DPF3: variants seen among roughly 807,000 people sequenced by gnomAD.
DPF3 encodes zinc finger protein DPF3.
DPF3 carries 18 observed loss-of-function variants against 56.8 expected under a neutral mutation model. The observed-to-expected ratio is 0.32, with a 90% CI of 0.22 to 0.47. DPF3 has a LOEUF of 0.47. Among genes scored for constraint, DPF3 ranks in the 20% least tolerant of loss-of-function variants. The pLI is 1.00. For synonymous variants in DPF3, 188 were observed against 180.2 expected (o/e 1.04, Z -0.35); for missense variants, 403 against 488.8 (o/e 0.82, Z 1.65).
In DPF3 at chr14:72,795,277, CAAAAA is replaced by C. The variant is rs578053636; in HGVS notation, c.33-23389_33-23385del. Among the ~76,000 whole-genome samples, 678 of 109,532 alleles carry C rather than the reference CAAAAA, an allele frequency of 6.2e-3. 4 individuals are homozygous for C. The highest frequency in any genetic ancestry group is 0.019 in the African/African-American group (531 of 28,484). 71.9% of individuals were successfully genotyped at this position (109,532 alleles called of 152,430 possible). A position where few individuals can be genotyped will look rare whatever the true frequency, so the allele number is the denominator to read the frequency against. On this transcript the variant is annotated intron_variant, in intron 1 of 10. Transcript: ENST00000556509. ...AATATTGAAGCTGTCCTCTTTTTGA[CAAAAA>C]AAAAAAAAAAAAAATATATATATAT...
chr14:72,812,609 G>A (rs1382996524), intron 1 of DPF3, among the ~76,000 whole-genome samples: 1 of 152,134 alleles, frequency 6.6e-6, no homozygotes, highest in East Asian at 1.9e-4. Flanking sequence ...GCGGAGCGGA[G>A]AGTACGGAGA....
At chr14:72,709,406 T>A (rs1266085075) in intron 6 of DPF3, among the ~76,000 whole-genome samples, 2 of 152,158 alleles carry the variant, frequency 1.3e-5, no homozygotes, top group Admixed American at 6.5e-5. Context: ...TTTAATAGAT[T>A]TAAATTTAAA....
intron 8 of DPF3, among the ~76,000 whole-genome samples, chr14:72,657,944 C>G (rs1303802425): frequency 2.0e-5 from 3 of 152,166 alleles, no homozygotes; most frequent in Admixed American, 2.0e-4. Flanking sequence ...ATAACCTCCT[C>G]TCCAACCCAA....
At chr14:72,885,806 C>T (rs972872124) in intron 1 of DPF3, among the ~76,000 whole-genome samples, 4 of 152,150 alleles carry the variant, frequency 2.6e-5, no homozygotes, top group African/African-American at 9.7e-5. Context: ...AACCCAAATG[C>T]CCATCGGCAG....
chr14:72,624,841 C>T (rs1379486067), intron 9 of DPF3, among the ~76,000 whole-genome samples: 1 of 152,232 alleles, frequency 6.6e-6, no homozygotes, highest in Non-Finnish European at 1.5e-5. Context: ...ATAAGATCCA[C>T]ATATGCATAC....
At chr14:72,859,999 C>G (rs1567260062) in intron 1 of DPF3, among the ~76,000 whole-genome samples, 1 of 151,976 alleles carries the variant, frequency 6.6e-6, no homozygotes, top group Non-Finnish European at 1.5e-5. Flanking sequence ...TGGTGTAAGC[C>G]CACCATGTAA....
intron 4 of DPF3, among the ~76,000 whole-genome samples, chr14:72,729,554 C>T (rs1889547885): frequency 6.6e-6 from 1 of 152,186 alleles, no homozygotes; most frequent in South Asian, 2.1e-4. Flanking sequence ...AAAGCTCCCT[C>T]TCCTGTGGTG....
chr14:72,707,669 T>C (rs1217322126), intron 6 of DPF3, among the ~76,000 whole-genome samples: 1 of 133,840 alleles, frequency 7.5e-6, no homozygotes, highest in Non-Finnish European at 1.7e-5. Context: ...TTAGTCGTCT[T>C]CTGTGTGCGT....
intron 2 of DPF3, among the ~76,000 whole-genome samples, chr14:72,758,254 T>G (rs1170074198): frequency 6.6e-6 from 1 of 152,172 alleles, no homozygotes; most frequent in Non-Finnish European, 1.5e-5. Context: ...ACAACAGTTT[T>G]GAAGACAATG....
intron 9 of DPF3, among the ~76,000 whole-genome samples, chr14:72,624,196 G>A (rs1884654752): frequency 6.6e-6 from 1 of 152,064 alleles, no homozygotes; most frequent in Non-Finnish European, 1.5e-5. Flanking sequence ...GCAGAGAATT[G>A]TACTCACTGT....
chr14:72,674,939 C>A (rs183744776), intron 7 of DPF3, among the ~76,000 whole-genome samples: 2 of 152,372 alleles, frequency 1.3e-5, no homozygotes, highest in Non-Finnish European at 2.9e-5. Context: ...GTATCAATCT[C>A]CCTGAAGGGG....
intron 8 of DPF3, among the ~76,000 whole-genome samples, chr14:72,659,846 C>T (rs139531864): frequency 2.6e-5 from 4 of 152,306 alleles, no homozygotes; most frequent in East Asian, 3.9e-4. Flanking sequence ...ATGCGGTTTA[C>T]ACATGCAATG....
At chr14:72,861,733 GAAAGAGAA>G (rs1885418504) in intron 1 of DPF3, among the ~76,000 whole-genome samples, 1 of 68,312 alleles carries the variant, frequency 1.5e-5, no homozygotes, top group Non-Finnish European at 2.9e-5. Context: ...GAGAAAGAAA[GAAAGAGAA>G]AGAAAGAAAG....
rs1267500016 is a variant in DPF3 at position 72,627,866 on chromosome 14, T to C, written c.984+1758A>G. Reference sequence around the variant, plus strand: ...TATATAGGTTTTGCACATTTGTTGTTAAATATATCCCTAAGTATTTCTTCT... The same window carrying C: ...TATATAGGTTTTGCACATTTGTTGTCAAATATATCCCTAAGTATTTCTTCT... On this transcript the variant is annotated intron_variant, in intron 9 of 10. Transcript: ENST00000556509. 6.6e-5 allele frequency among the ~76,000 whole-genome samples: 10 copies of C among 152,220 alleles called. No homozygotes were observed. The East Asian group carries it at 1.9e-3, about 29-fold the overall frequency.
intron 1 of DPF3, among the ~76,000 whole-genome samples, chr14:72,807,632 C>G (rs527828530): frequency 2.9e-4 from 44 of 152,174 alleles, no homozygotes; most frequent in Non-Finnish European, 5.9e-4. Flanking sequence ...AGGAGGATCT[C>G]TTGAGGCCAG....
intron 5 of DPF3, among the ~76,000 whole-genome samples, chr14:72,720,844 G>T (rs1282519053): frequency 6.6e-6 from 1 of 152,002 alleles, no homozygotes; most frequent in Non-Finnish European, 1.5e-5. Context: ...TACAATGTGA[G>T]CCACACTCAT....
intron 8 of DPF3, among the ~76,000 whole-genome samples, chr14:72,664,045 G>A (rs1246422340): frequency 6.6e-6 from 1 of 152,018 alleles, no homozygotes. Context: ...CTTTGCTGGT[G>A]CACCCTACCC....
intron 2 of DPF3, among the ~76,000 whole-genome samples, chr14:72,756,822 C>CAGAAAGAGAGAAAGAA (rs1197343194): frequency 3.0e-4 from 21 of 70,062 alleles, no homozygotes; most frequent in Admixed American, 1.2e-3. Flanking sequence ...GAAAGAAAGA[C>CAGAAAGAGAGAAAGAA]AGAAAGAAAG....
intron 1 of DPF3, among the ~76,000 whole-genome samples, chr14:72,812,000 G>A (rs372283303): frequency 6.6e-5 from 10 of 152,118 alleles, no homozygotes; most frequent in African/African-American, 1.2e-4. Flanking sequence ...CTCTCCTGCC[G>A]TCTTGGAACC....
Sources: gnomAD v4.1 joint callset for allele counts (sites outside exome capture counted in the v4.1 genomes callset) on GRCh38, gnomAD v4.1.1 for gene constraint, MANE v1.5 for transcripts, NCBI Gene and HGNC (gene_info 2026-07-23, HGNC 2026-07-21) for gene names.